BCKDHB: variants seen among roughly 807,000 people sequenced by gnomAD.
BCKDHB encodes the protein 2-oxoisovalerate dehydrogenase subunit beta, mitochondrial.
A neutral mutation model predicts 48.5 loss-of-function variants in BCKDHB; 41 were observed. The observed-to-expected ratio is 0.85, with a 90% CI of 0.66 to 1.10. The LOEUF is 1.10. BCKDHB is among the 50% of genes least tolerant of loss of function. The pLI is 0.00. For missense variants in BCKDHB, 496 were observed against 494.2 expected, an observed-to-expected ratio of 1.00 and a Z score of -0.03; for synonymous variants, 201 against 174.8, an observed-to-expected ratio of 1.15 and a Z score of -1.18.
At chr6:80,296,571 T>A in intron 9 of BCKDHB, among the ~76,000 whole-genome samples, 1 of 152,324 alleles carries the variant, frequency 6.6e-6, no homozygotes, top group East Asian at 1.9e-4. Context: ...AAATTTTTAA[T>A]AAAACCTTAT....
intron 8 of BCKDHB, among the ~76,000 whole-genome samples, chr6:80,234,573 T>G (rs186606303): frequency 2.6e-4 from 39 of 152,240 alleles, no homozygotes; most frequent in Admixed American, 2.0e-3. Context: ...AGAGGAATGC[T>G]CATACATTGT....
the BCKDHB span, among the ~76,000 whole-genome samples, chr6:80,436,147 C>CTTTTTTTTTTTTT: frequency 2.8e-5 from 2 of 70,340 alleles, 1 homozygote; most frequent in Non-Finnish European, 5.4e-5. Flanking sequence ...AAATTCTTTT[C>CTTTTTTTTTTTTT]TTTTTTTTTT....
intron 7 of BCKDHB, among the ~76,000 whole-genome samples, chr6:80,201,332 G>T (rs1774386563): frequency 6.6e-6 from 1 of 152,066 alleles, no homozygotes; most frequent in Non-Finnish European, 1.5e-5. Context: ...GTGTGTGGGG[G>T]TGGGGGCGAG....
rs1360744094 is a variant in BCKDHB at position 80,206,264 on chromosome 6, A to T, written c.951+3052A>T. ...CTCTACCCCTTTGAATTTTTTATTG[A>T]ATTATGTACTTTTACTCTATCTGCG... On this transcript the variant is annotated intron_variant, in intron 8 of 9. Coordinates refer to ENST00000320393, the MANE Select transcript of BCKDHB (RefSeq NM_183050.4). Among the ~76,000 whole-genome samples, 3 of 149,406 alleles carry T rather than the reference A, an allele frequency of 2.0e-5. No homozygotes were observed. The East Asian group carries it at 6.0e-4, about 30-fold the overall frequency.
intron 8 of BCKDHB, among the ~76,000 whole-genome samples, chr6:80,227,180 T>G (rs1226273222): frequency 2.0e-5 from 3 of 152,208 alleles, no homozygotes; most frequent in Non-Finnish European, 2.9e-5. Context: ...TTGTCTATAT[T>G]AAATAAAAGA....
intron 3 of BCKDHB, among the ~76,000 whole-genome samples, chr6:80,132,960 G>A (rs1219222125): frequency 6.6e-6 from 1 of 152,172 alleles, no homozygotes; most frequent in Non-Finnish European, 1.5e-5. Context: ...GTCTGCTTAG[G>A]ATTTTTAAAG....
In BCKDHB at chr6:80,252,028, G is replaced by C. The variant is rs184811745; in HGVS notation, c.952-21107G>C. On this transcript the variant is annotated intron_variant, in intron 8 of 9. Coordinates refer to ENST00000320393, the MANE Select transcript of BCKDHB (RefSeq NM_183050.4). ...ATAGCATGCTTACTGTAGGCATTAC[G>C]TTGAGAGCTTTGTGTGCATTATTTC... is the stretch of plus-strand genomic sequence containing the variant. Among the ~76,000 whole-genome samples the C allele has an allele frequency of 1.5e-3, 225 of 152,300 alleles. 1 individual carries two copies. The highest frequency in any genetic ancestry group is 2.0e-3 in the Non-Finnish European group (136 of 68,024).
At chr6:80,281,681 ATT>A (rs1330092435) in intron 9 of BCKDHB, among the ~76,000 whole-genome samples, 4 of 152,158 alleles carry the variant, frequency 2.6e-5, no homozygotes, top group Non-Finnish European at 5.9e-5. Context: ...ATAGAATGCC[ATT>A]TATTTCCTCA....
chr6:80,122,850 G>T (rs1187475927), intron 1 of BCKDHB, among the ~76,000 whole-genome samples: 1 of 152,088 alleles, frequency 6.6e-6, no homozygotes, highest in African/African-American at 2.4e-5. Flanking sequence ...CCAGCTTGGA[G>T]TTTTTCCCCA....
the BCKDHB span, among the ~76,000 whole-genome samples, chr6:80,406,893 G>T: frequency 1.3e-5 from 2 of 152,102 alleles, no homozygotes; most frequent in African/African-American, 4.8e-5. Context: ...GGCTTTTGTT[G>T]CTATTGCTTT....
chr6:80,167,967 T>C (rs1452218165), intron 4 of BCKDHB, among the ~76,000 whole-genome samples, 156 bp downstream of exon 4: 2 of 152,188 alleles, frequency 1.3e-5, no homozygotes, highest in Non-Finnish European at 2.9e-5. Context: ...TATTTAAAGA[T>C]CTAATAGAAT....
chr6:80,340,752 G>T (rs1769845771), intron 9 of BCKDHB, among the ~76,000 whole-genome samples: 1 of 49,520 alleles, frequency 2.0e-5, no homozygotes, highest in African/African-American at 6.3e-5. Flanking sequence ...AAACTTGCCA[G>T]TGGGATTCGG....
At chr6:80,191,153 T>C (rs1773874444) in intron 6 of BCKDHB, among the ~76,000 whole-genome samples, 1 of 152,166 alleles carries the variant, frequency 6.6e-6, no homozygotes, top group Admixed American at 6.5e-5. Context: ...TTAAATTAAA[T>C]TTTTCTGGAG....
chr6:80,317,206 G>A (rs545555096), intron 9 of BCKDHB, among the ~76,000 whole-genome samples: 3 of 152,202 alleles, frequency 2.0e-5, no homozygotes, highest in Admixed American at 6.5e-5. Flanking sequence ...TTCTATTGCT[G>A]CCAAAATACC....
chr6:80,340,726 G>T (rs966277927), intron 9 of BCKDHB, among the ~76,000 whole-genome samples: 1 of 149,788 alleles, frequency 6.7e-6, no homozygotes, highest in Admixed American at 6.7e-5. Context: ...GAGATACTTT[G>T]TCTTCATTAA....
downstream of BCKDHB, among the ~76,000 whole-genome samples, chr6:80,346,818 AAG>A (rs930994935): frequency 5.9e-5 from 9 of 152,184 alleles, no homozygotes; most frequent in African/African-American, 2.2e-4. Context: ...CATTTTAGAC[AAG>A]CCTTAGCCTT....
At chr6:80,250,112 T>TAA (rs753961163) in intron 8 of BCKDHB, among the ~76,000 whole-genome samples, 1 of 152,124 alleles carries the variant, frequency 6.6e-6, no homozygotes, top group Non-Finnish European at 1.5e-5. Flanking sequence ...TATCCTGTTT[T>TAA]AGTTGGCTCT....
At chr6:80,312,370 A>G (rs565445177) in intron 9 of BCKDHB, among the ~76,000 whole-genome samples, 1 of 152,358 alleles carries the variant, frequency 6.6e-6, no homozygotes, top group East Asian at 1.9e-4. Context: ...GTCATCTGCA[A>G]ACAAAGATAG....
intron 9 of BCKDHB, among the ~76,000 whole-genome samples, chr6:80,291,556 C>T (rs1033484277): frequency 1.1e-4 from 16 of 152,324 alleles, no homozygotes; most frequent in African/African-American, 3.8e-4. Context: ...TCCATGAACT[C>T]GGCAACTGCT....
Sources: gnomAD v4.1 joint callset for allele counts (sites outside exome capture counted in the v4.1 genomes callset) on GRCh38, gnomAD v4.1.1 for gene constraint, MANE v1.5 for transcripts, NCBI Gene and HGNC (gene_info 2026-07-23, HGNC 2026-07-21) for gene names.